The following OR6N1 variants were observed in gnomAD, a reference collection of about 807,000 sequenced individuals.
OR6N1 encodes the protein olfactory receptor 6N1.
For missense variants in OR6N1, 394 were observed against 371.7 expected, an observed-to-expected ratio of 1.06 and a Z score of -0.49; for synonymous variants, 170 against 150.7, an observed-to-expected ratio of 1.13 and a Z score of -0.94.
chr1:158,823,353 T>A, the OR6N1 span, among the ~76,000 whole-genome samples: 1 of 152,124 alleles, frequency 6.6e-6, no homozygotes, highest in Non-Finnish European at 1.5e-5. Flanking sequence ...CTTTTTTTGC[T>A]TGGTAGGCTT....
rs144593398 is a variant in OR6N1 at position 158,766,136 on chromosome 1, G to C, written c.547C>G (p.Pro183Ala). The change falls in exon 2 of 2, where the codon CCT (proline) becomes GCT (alanine). Residue 183 changes from proline to alanine, a missense_variant. By Grantham distance (27) the Pro-to-Ala change is conservative (BLOSUM62 -1). Coordinates refer to ENST00000641846, the MANE Select transcript of OR6N1 (RefSeq NM_001005185.2). The part of the protein sequence containing the change: ...RIQHVFCDFP[P>A]VLSLACTDTS... ...TCAGTGCAAGCCAAACTCAGCACAG[G>C]AGGGAAGTCACAAAAGACGTGCTGA... 1.9e-6 allele frequency: 3 copies of C among 1,614,192 alleles called. No homozygotes were observed. Among genetic ancestry groups the C allele is most frequent in the Non-Finnish European group, 2.5e-6 (3 of 1,180,042 alleles).
At chr1:158,829,922 C>G in the OR6N1 span, among the ~76,000 whole-genome samples, 1 of 152,164 alleles carries the variant, frequency 6.6e-6, no homozygotes, top group Admixed American at 6.5e-5. Flanking sequence ...CAGGGCAACT[C>G]CCATTTTTTA....
At chr1:158,799,869 T>C in the OR6N1 span, among the ~76,000 whole-genome samples, 3 of 152,116 alleles carry the variant, frequency 2.0e-5, no homozygotes, top group Non-Finnish European at 4.4e-5. Context: ...TATGAGTTAC[T>C]CTATGGGAAG....
At chr1:158,825,754 A>T in the OR6N1 span, among the ~76,000 whole-genome samples, 1 of 152,196 alleles carries the variant, frequency 6.6e-6, no homozygotes, top group African/African-American at 2.4e-5. Flanking sequence ...TTACCATTTG[A>T]CCCAGCAATC....
chr1:158,810,592 G>A, the OR6N1 span, among the ~76,000 whole-genome samples: 1 of 152,156 alleles, frequency 6.6e-6, no homozygotes, highest in African/African-American at 2.4e-5. Context: ...TAATCCCAGG[G>A]GCATTGCCTC....
the OR6N1 span, among the ~76,000 whole-genome samples, chr1:158,789,413 C>G: frequency 6.6e-6 from 1 of 152,180 alleles, no homozygotes; most frequent in African/African-American, 2.4e-5. Flanking sequence ...CGAGGAATCT[C>G]CATACTGTTT....
the OR6N1 span, among the ~76,000 whole-genome samples, chr1:158,808,134 T>C: frequency 7.8e-6 from 1 of 127,746 alleles, no homozygotes; most frequent in African/African-American, 3.0e-5. Flanking sequence ...TTTTTTTTTT[T>C]TTTTTTTTTT....
At chr1:158,776,771 T>C (rs1176029329), upstream of OR6N1, 4 of 1,613,930 alleles carry the variant, frequency 2.5e-6, no homozygotes, top group African/African-American at 2.7e-5. Flanking sequence ...AGACTGTAGA[T>C]AATTGGATTG....
Position 158,766,023 on chromosome 1 carries a change from C to A in OR6N1, c.660G>T (p.Gln220His), listed in dbSNP as rs1468988450. 31 of 1,614,212 alleles carry A rather than the reference C, an allele frequency of 1.9e-5. No individual in the cohort carries two copies. The highest frequency in any genetic ancestry group is 2.6e-5 in the Non-Finnish European group (31 of 1,180,040). Reference protein sequence around the residue: ...TFLLILCSYVQIICTVLRIPS... With the variant: ...TFLLILCSYVHIICTVLRIPS... Reference sequence around the variant, plus strand: ...GAATTCTGAGCACTGTGCAGATGATCTGCACATAGGAGCAGAGGATCAGCA... The same window carrying A: ...GAATTCTGAGCACTGTGCAGATGATATGCACATAGGAGCAGAGGATCAGCA... Residue 220 changes from glutamine (Q) to histidine (H), a missense_variant, in exon 2 of 2, where the codon CAG becomes CAT. By Grantham distance (24) the Gln-to-His change is conservative (BLOSUM62 0). Coordinates refer to ENST00000641846, the MANE Select transcript of OR6N1 (RefSeq NM_001005185.2).
the OR6N1 span, among the ~76,000 whole-genome samples, chr1:158,780,573 C>T: frequency 1.3e-5 from 2 of 152,172 alleles, no homozygotes; most frequent in African/African-American, 2.4e-5. Flanking sequence ...TTAGCCTAGC[C>T]TCCCTTATAT....
At chr1:158,813,155 T>A in the OR6N1 span, among the ~76,000 whole-genome samples, 14,074 of 152,260 alleles carry the variant, frequency 0.092, 709 homozygotes, top group East Asian at 0.12. Context: ...GACCTTTTTA[T>A]GCATTGCTTA....
chr1:158,776,058 A>G (rs375476920), upstream of OR6N1: 4 of 152,218 alleles, frequency 2.6e-5, no homozygotes, highest in African/African-American at 9.7e-5. Flanking sequence ...AACTCCGAGT[A>G]TCTAGGGAGA....
the OR6N1 span, among the ~76,000 whole-genome samples, chr1:158,788,903 A>G: frequency 6.6e-6 from 1 of 152,146 alleles, no homozygotes; most frequent in East Asian, 1.9e-4. Context: ...GAAGGGCCTC[A>G]TTTTAGCTTT....
At chr1:158,827,981 C>T in the OR6N1 span, among the ~76,000 whole-genome samples, 1 of 152,136 alleles carries the variant, frequency 6.6e-6, no homozygotes, top group Non-Finnish European at 1.5e-5. Context: ...AAAGAGAGAG[C>T]TTATGCAGGG....
At chr1:158,780,286 A>C in the OR6N1 span, among the ~76,000 whole-genome samples, 1 of 152,192 alleles carries the variant, frequency 6.6e-6, no homozygotes, top group Non-Finnish European at 1.5e-5. Context: ...TCTGAAGCCA[A>C]CTGTATGTGT....
At chr1:158,802,356 T>C in the OR6N1 span, among the ~76,000 whole-genome samples, 15 of 151,932 alleles carry the variant, frequency 9.9e-5, no homozygotes, top group Admixed American at 7.9e-4. Context: ...AACAGGCATG[T>C]GCCACCACAC....
the OR6N1 span, among the ~76,000 whole-genome samples, chr1:158,805,606 C>T: frequency 1.3e-5 from 2 of 151,832 alleles, no homozygotes; most frequent in African/African-American, 4.8e-5. Flanking sequence ...AGAAGCTCTG[C>T]GCTAAAGATG....
chr1:158,791,327 A>G, the OR6N1 span, among the ~76,000 whole-genome samples: 12 of 152,154 alleles, frequency 7.9e-5, no homozygotes, highest in African/African-American at 2.7e-4. Context: ...GAAAAAAATT[A>G]ATTTTTCTCT....
chr1:158,781,043 T>C, the OR6N1 span: 9 of 152,354 alleles, frequency 5.9e-5, no homozygotes, highest in East Asian at 1.7e-3. Flanking sequence ...TCCCAGTTGC[T>C]TAACTCACAT....
Sources: allele counts gnomAD v4.1 joint callset (sites outside exome capture counted in the v4.1 genomes callset), GRCh38; gene constraint gnomAD v4.1.1; transcripts MANE v1.5; gene names NCBI Gene and HGNC (gene_info 2026-07-23, HGNC 2026-07-21).